The following CYP4F2 variants were observed in gnomAD, a reference collection of about 807,000 sequenced individuals.
CYP4F2 encodes the protein cytochrome P450 4F2.
A neutral mutation model predicts 58.9 loss-of-function variants in CYP4F2; 58 were observed. That is an observed-to-expected ratio of 0.98 (90% CI 0.80 to 1.23). The LOEUF is 1.23. Among genes scored for constraint, CYP4F2 ranks in the 50% most tolerant of loss-of-function variants. The pLI is 0.00. For missense variants in CYP4F2, 616 were observed against 685.6 expected (o/e 0.90, Z 1.13); for synonymous variants, 287 against 261.1 (o/e 1.10, Z -0.95).
At position 15,890,415 on chromosome 19, in the gene CYP4F2, C is replaced by T. The variant is rs757772937; in HGVS notation, c.544G>A (p.Ala182Thr). Residue 182 changes from alanine to threonine, a missense_variant, in exon 6 of 13, where the codon GCC (alanine) becomes ACC (threonine). Coordinates refer to ENST00000221700, the MANE Select transcript of CYP4F2 (RefSeq NM_001082.5). ...TCCAAACAGGCACTACCCTCTGAGG[C>T]CAGGAGCTGCCACTTGGCCTAGCCA... ...NIMHAKWQLL[A>T]SEGSACLDMF... 1.8e-5 allele frequency: 29 copies of T among 1,614,014 alleles called. No homozygotes were observed. Among genetic ancestry groups the T allele is most frequent in the Non-Finnish European group, 1.9e-5 (23 of 1,179,966 alleles).
rs142166045 is a variant in CYP4F2 at position 15,895,455 on chromosome 19, C to T, written c.343+51G>A. 5.6e-4 allele frequency: 811 copies of T among 1,458,336 alleles called. 2 individuals are homozygous for T. In the African/African-American group the frequency reaches 0.01, roughly 18 times the overall value. 90.3% of individuals were successfully genotyped at this position (1,458,336 alleles called of 1,614,324 possible). A position where few individuals can be genotyped will look rare whatever the true frequency, so the allele number is the denominator to read the frequency against. On this transcript the variant is annotated intron_variant, in intron 3 of 12. Transcript: ENST00000221700. ...GGCCCACACAGGAGCTTGGGGATAG[C>T]GGAAGTGCAGGCCTCAAATGCACTG... is the stretch of plus-strand genomic sequence containing the variant.
chr19:15,895,218 T>C (rs529502783), intron 3 of CYP4F2, among the ~76,000 whole-genome samples: 1 of 152,156 alleles, frequency 6.6e-6, no homozygotes, highest in South Asian at 2.1e-4. Context: ...GTTGGGGATA[T>C]CTCTATCCAG....
chr19:15,886,256 G>T lies in CYP4F2; in HGVS notation c.971C>A (p.Thr324Asn). Residue 324 changes from threonine to asparagine, a missense_variant, in exon 8 of 13, where the codon ACC becomes AAC. Coordinates refer to ENST00000221700, the MANE Select transcript of CYP4F2 (RefSeq NM_001082.5). ...SDEDIRAEADTFMFEGHDTTA... is the reference protein window; with the variant it reads ...SDEDIRAEADNFMFEGHDTTA... ...GGGGCCCTCACCCTCAAACATAAAG[G>T]TGTCAGCTTCTGCTCTTATGTCCTC... The T allele has an allele frequency of 1.2e-6, 2 of 1,613,974 alleles. No individual in the cohort carries two copies. The highest frequency in any genetic ancestry group is 1.7e-6 in the Non-Finnish European group (2 of 1,179,988).
At chr19:15,897,660 G>A (rs200753065) in intron 1 of CYP4F2, 48 bp from the exon 2 acceptor site, 19 of 1,603,326 alleles carry the variant, frequency 1.2e-5, no homozygotes, top group East Asian at 4.5e-5. Context: ...CCCAGAGAAC[G>A]GCCCAGGGAC....
chr19:15,881,586 GATAGATAGATAGATAGA>G, intron 9 of CYP4F2, among the ~76,000 whole-genome samples: 1 of 31,116 alleles, frequency 3.2e-5, no homozygotes, highest in Non-Finnish European at 1.3e-4. Context: ...TAGATAGATA[GATAGATAGATAGATAGA>G]TAACAAATCT....
Position 15,879,840 on chromosome 19 carries a change from C to A in CYP4F2, c.1173G>T (p.Leu391=). The part of the protein sequence containing the change: ...LTMCMKESLR[L]HPPVPVISRH... ...GGGAGATGACCGGGACTGGGGGATG[C>A]AGCCGCAGGCTCTCCTTCATGCACA... The change falls in exon 10 of 13, where the codon CTG becomes CTT. Residue 391 remains leucine, a synonymous_variant. Coordinates refer to ENST00000221700, the MANE Select transcript of CYP4F2 (RefSeq NM_001082.5). The A allele has an allele frequency of 6.2e-7, 1 of 1,614,136 alleles. No individual in the cohort carries two copies. The highest frequency in any genetic ancestry group is 8.5e-7 in the Non-Finnish European group (1 of 1,180,028).
In CYP4F2 at chr19:15,879,552, C is replaced by T. The variant is rs2089329786; in HGVS notation, c.1314+52G>A. 3.1e-6 allele frequency: 5 copies of T among 1,611,466 alleles called. No individual in the cohort carries two copies. The African/African-American group carries it at 5.3e-5, about 17-fold the overall frequency. ...GGATACTCCTGATCAAAACCCTGCC[C>T]CCTCCTCTAGGAGCCTTGGAATGGA... On this transcript the variant is annotated intron_variant, in intron 11 of 12. Coordinates refer to ENST00000221700, the MANE Select transcript of CYP4F2 (RefSeq NM_001082.5).
intron 12 of CYP4F2, 117 bp from the exon 13 acceptor site, chr19:15,879,053 A>G (rs2089325396): frequency 6.8e-7 from 1 of 1,469,288 alleles, no homozygotes; most frequent in Non-Finnish European, 9.2e-7. Context: ...GGAATAGAGA[A>G]GGGGGTATCC....
At position 15,879,754 on chromosome 19, in the gene CYP4F2, C is replaced by T; in HGVS notation, c.1249+10G>A. On this transcript the variant is annotated intron_variant, in intron 10 of 12. Transcript: ENST00000221700. ...ACCCAGGAGACTCCTCCCCGTGAGG[C>T]TGTGAGCACCTTTGGGGATGACCCG... 6.2e-7 allele frequency: 1 copy of T among 1,613,996 alleles called. No individual in the cohort carries two copies. Among genetic ancestry groups the T allele is most frequent in the Non-Finnish European group, 8.5e-7 (1 of 1,179,946 alleles).
rs376258321 is a variant in CYP4F2 at position 15,897,465 on chromosome 19, C to T, written c.147G>A (p.Arg49=). The T allele has an allele frequency of 1.7e-5, 27 of 1,613,856 alleles. No homozygotes were observed. Among genetic ancestry groups the T allele is most frequent in the African/African-American group, 8.0e-5 (6 of 74,888 alleles). ...TCCGTCTTGGGGGTTGTGGGAAACA[C>T]CGAAGGCGGCGGCAGTTGTCATAGA... ...YAFYDNCRRL[R]CFPQPPRRNW... The change falls in exon 2 of 13, where the codon CGG becomes CGA. Residue 49 remains arginine, a synonymous_variant. Transcript: ENST00000221700.
chr19:15,895,121 G>A (rs1347213208), intron 3 of CYP4F2, among the ~76,000 whole-genome samples: 1 of 152,100 alleles, frequency 6.6e-6, no homozygotes, highest in African/African-American at 2.4e-5. Context: ...TCCTCCTCTA[G>A]GAAGCCTTCC....
chr19:15,878,773 A>G lies in CYP4F2; in HGVS notation c.1561T>C (p.Ter521ArgextTer12), dbSNP rs749993807. The G allele has an allele frequency of 6.2e-7, 1 of 1,613,234 alleles. No homozygotes were observed. Among genetic ancestry groups the G allele is most frequent in the Non-Finnish European group, 8.5e-7 (1 of 1,179,538 alleles). Residue 521 changes from the stop codon to arginine (R), a stop_lost, in exon 13 of 13, where the codon TGA (stop) becomes CGA (arginine). Transcript: ENST00000221700. Reference protein sequence around the residue: ...GLWLRVEPLS* With the variant: ...GLWLRVEPLSR ...GTCAGAGTGGGTCTCTGCAGAACTC[A>G]GCTCAGGGGCTCCACCCGCAGCCAA... is the stretch of plus-strand genomic sequence containing the variant.
chr19:15,886,326 ACC>A lies in CYP4F2; in HGVS notation c.919-20_919-19del. 2 of 1,517,110 alleles carry A rather than the reference ACC, an allele frequency of 1.3e-6. No individual in the cohort carries two copies. The highest frequency in any genetic ancestry group is 3.5e-4 in the Middle Eastern group (2 of 5,700). The allele number at this position is 1,517,110 out of a possible 1,614,324, so 94.0% of individuals were successfully genotyped here. A position where few individuals can be genotyped will look rare whatever the true frequency, so the allele number is the denominator to read the frequency against. ...TCTTCATCCTGGAGAGAAGGCAGTA[ACC>A]CCCCCCAACCCCCACCCCCATAAAA... On this transcript the variant is annotated intron_variant, in intron 7 of 12. Transcript: ENST00000221700.
intron 3 of CYP4F2, chr19:15,893,875 T>C (rs1336524948): frequency 3.8e-6 from 1 of 266,160 alleles, no homozygotes; most frequent in East Asian, 1.0e-4. Context: ...TCTTCTGAGC[T>C]GTGAATCTGG....
chr19:15,892,277 T>A (rs1332557926), intron 5 of CYP4F2, 32 bp downstream of exon 5: 7 of 1,613,898 alleles, frequency 4.3e-6, no homozygotes, highest in Non-Finnish European at 5.9e-6. Context: ...ACCCCAAGGC[T>A]GCAAGTGGGA....
chr19:15,884,465 A>ATAGT (rs1272792449), intron 9 of CYP4F2, among the ~76,000 whole-genome samples: 1 of 152,206 alleles, frequency 6.6e-6, no homozygotes. Flanking sequence ...ATATTCCTAA[A>ATAGT]TAGTTAGCTT....
intron 5 of CYP4F2, among the ~76,000 whole-genome samples, chr19:15,890,868 G>A (rs1173449667): frequency 2.0e-5 from 3 of 152,008 alleles, no homozygotes; most frequent in African/African-American, 4.8e-5. Context: ...TCTACCATGG[G>A]GCAAAAATAC....
chr19:15,886,700 C>T (rs1285542826), intron 7 of CYP4F2, among the ~76,000 whole-genome samples: 1 of 152,140 alleles, frequency 6.6e-6, no homozygotes, highest in African/African-American at 2.4e-5. Context: ...AGAATCTTAT[C>T]CCCCTGGAGA....
rs1568474897 is a variant in CYP4F2, at chr19:15,897,421, T to C, written c.191A>G (p.Gln64Arg). Reference protein sequence around the residue: ...PPRRNWFWGHQGMVNPTEEGM... With the variant: ...PPRRNWFWGHRGMVNPTEEGM... ...TCCTGCTGCCACACTCACCATGCCC[T>C]GGTGTCCCCAAAACCAGTTCCGTCT... The change falls in exon 2 of 13, where the codon CAG becomes CGG. Residue 64 changes from glutamine (Q) to arginine (R), a missense_variant. Transcript: ENST00000221700. 2 of 1,467,348 alleles carry C rather than the reference T, an allele frequency of 1.4e-6. No individual in the cohort carries two copies. Among genetic ancestry groups the C allele is most frequent in the Non-Finnish European group, 1.8e-6 (2 of 1,085,936 alleles). The allele number at this position is 1,467,348 out of a possible 1,614,324, so 90.9% of individuals were successfully genotyped here.
Sources: allele counts gnomAD v4.1 joint callset (sites outside exome capture counted in the v4.1 genomes callset), GRCh38; gene constraint gnomAD v4.1.1; transcripts MANE v1.5; gene names NCBI Gene and HGNC (gene_info 2026-07-23, HGNC 2026-07-21).